ZSCAN5A: variants seen among roughly 807,000 people sequenced by gnomAD.
ZSCAN5A encodes the protein zinc finger and SCAN domain containing 5A.
Under a neutral mutation model 23.7 loss-of-function variants are expected in ZSCAN5A, and 12 were observed. The observed-to-expected ratio is 0.51, with a 90% CI of 0.32 to 0.82. The LOEUF is 0.82. ZSCAN5A is among the 40% of genes least tolerant of loss of function. ZSCAN5A has a pLI of 0.03. For synonymous variants in ZSCAN5A, 257 were observed against 239.9 expected, an observed-to-expected ratio of 1.07 and a Z score of -0.66; for missense variants, 597 against 617.9, an observed-to-expected ratio of 0.97 and a Z score of 0.36.
chr19:56,321,351 C>T, intron 2 of ZSCAN5A: 1 of 643,260 alleles, frequency 1.6e-6, no homozygotes. Context: ...AATAACCAGG[C>T]ATCACAATGT....
At chr19:56,322,137 C>A in intron 2 of ZSCAN5A, 1 of 766,722 alleles carries the variant, frequency 1.3e-6, no homozygotes, top group South Asian at 1.4e-5. Context: ...AGTAGCTGAG[C>A]GTCTCTGGAA....
At chr19:56,322,137 C>T (rs558695233) in intron 2 of ZSCAN5A, 20 of 766,722 alleles carry the variant, frequency 2.6e-5, no homozygotes, top group Non-Finnish European at 3.9e-5. Context: ...AGTAGCTGAG[C>T]GTCTCTGGAA....
chr19:56,318,173 A>G (rs2041337569), upstream of ZSCAN5A, among the ~76,000 whole-genome samples: 1 of 151,982 alleles, frequency 6.6e-6, no homozygotes, highest in Non-Finnish European at 1.5e-5. Context: ...GCGTGCACGC[A>G]AGCATGCGTA....
intron 2 of ZSCAN5A, among the ~76,000 whole-genome samples, chr19:56,288,178 G>C (rs2039265352): frequency 6.6e-6 from 1 of 152,166 alleles, no homozygotes; most frequent in African/African-American, 2.4e-5. Flanking sequence ...ACAGGGGTCT[G>C]CCTCACTGAG....
Position 56,221,652 on chromosome 19 carries a change from T to C in ZSCAN5A, c.1414A>G (p.Lys472Glu). 6.2e-7 allele frequency: 1 copy of C among 1,614,152 alleles called. No individual in the cohort carries two copies. Among genetic ancestry groups the C allele is most frequent in the Non-Finnish European group, 8.5e-7 (1 of 1,180,006 alleles). The stretch of plus-strand genomic sequence containing the variant: ...AGCCGACTGAAGGCTCTTGGACACT[T>C]GGAACATTTGTAGGGTTTCTCTCCG... Reference protein sequence around the residue: ...HSGEKPYKCSKCPRAFSRLKL... With the variant: ...HSGEKPYKCSECPRAFSRLKL... Residue 472 changes from lysine (K) to glutamate (E), a missense_variant, in exon 6 of 6, where the codon AAG becomes GAG. Coordinates refer to ENST00000683990, the MANE Select transcript of ZSCAN5A (RefSeq NM_001322064.3).
intron 1 of ZSCAN5A, among the ~76,000 whole-genome samples, chr19:56,313,846 A>T (rs2147397168): frequency 6.6e-6 from 1 of 152,350 alleles, no homozygotes; most frequent in African/African-American, 2.4e-5. Context: ...TTCATATCAG[A>T]TTTCAATCAT....
intron 2 of ZSCAN5A, chr19:56,246,286 C>A (rs553173002): frequency 3.3e-4 from 108 of 325,452 alleles, no homozygotes; most frequent in Admixed American, 8.2e-4. Flanking sequence ...TTAGACAGGG[C>A]AGTCATTGCT....
intron 2 of ZSCAN5A, among the ~76,000 whole-genome samples, chr19:56,298,749 A>C (rs10402201): frequency 0.013 from 2,023 of 152,328 alleles, 51 homozygotes; most frequent in African/African-American, 0.045. Context: ...TTTCAGGATC[A>C]AGTTAGCTTT....
chr19:56,298,286 T>C (rs1292715234), intron 2 of ZSCAN5A: 1 of 152,090 alleles, frequency 6.6e-6, no homozygotes, highest in Non-Finnish European at 1.5e-5. Context: ...ATTGAAAGTT[T>C]AGATAAAACG....
chr19:56,288,926 G>C (rs2147135194), intron 2 of ZSCAN5A, among the ~76,000 whole-genome samples: 1 of 152,314 alleles, frequency 6.6e-6, no homozygotes, highest in Non-Finnish European at 1.5e-5. Context: ...TCTGAAATTA[G>C]ATTCTCATAA....
chr19:56,319,401 C>G (rs570441685), upstream of ZSCAN5A, among the ~76,000 whole-genome samples: 1 of 139,738 alleles, frequency 7.2e-6, no homozygotes, highest in Non-Finnish European at 1.5e-5. Flanking sequence ...GGGGCTGAAG[C>G]AAAAGAATTG....
intron 2 of ZSCAN5A, among the ~76,000 whole-genome samples, chr19:56,234,689 T>C (rs548413932): frequency 6.7e-5 from 10 of 149,826 alleles, no homozygotes; most frequent in Admixed American, 1.3e-4. Context: ...TCTGTTTCTC[T>C]CTGACCACCG....
At chr19:56,361,059 A>G (rs1005102908) in intron 2 of ZSCAN5A, among the ~76,000 whole-genome samples, 3 of 152,034 alleles carry the variant, frequency 2.0e-5, no homozygotes, top group African/African-American at 7.2e-5. Flanking sequence ...GAAGACATAC[A>G]TGTGGCCAAC....
intron 2 of ZSCAN5A, among the ~76,000 whole-genome samples, chr19:56,242,104 A>G (rs570701791): frequency 6.6e-6 from 1 of 152,132 alleles, no homozygotes; most frequent in East Asian, 1.9e-4. Context: ...CAATTTTCTG[A>G]GGAGCTTCTA....
intron 2 of ZSCAN5A, among the ~76,000 whole-genome samples, chr19:56,229,092 T>C (rs1260049590): frequency 6.6e-6 from 1 of 152,094 alleles, no homozygotes; most frequent in Non-Finnish European, 1.5e-5. Flanking sequence ...GTGTGGATCA[T>C]GGAGTTAATG....
chr19:56,224,571 A>G (rs1215367847), intron 3 of ZSCAN5A, 92 bp downstream of exon 3: 1 of 1,487,156 alleles, frequency 6.7e-7, no homozygotes, highest in Non-Finnish European at 9.0e-7. Context: ...CCTGACCTAG[A>G]GCAGCCCCTC....
chr19:56,238,252 G>A (rs561095873), intron 2 of ZSCAN5A, among the ~76,000 whole-genome samples: 1 of 152,118 alleles, frequency 6.6e-6, no homozygotes, highest in African/African-American at 2.4e-5. Context: ...TGAGGCAGGA[G>A]GATTACTTGA....
At chr19:56,240,529 G>A (rs181361852) in intron 2 of ZSCAN5A, among the ~76,000 whole-genome samples, 42 of 152,252 alleles carry the variant, frequency 2.8e-4, no homozygotes, top group East Asian at 1.9e-3. Flanking sequence ...GGCATAAGGC[G>A]GGAAGGAGGT....
At chr19:56,253,267 CA>C (rs60969244) in intron 2 of ZSCAN5A, among the ~76,000 whole-genome samples, 26,928 of 108,346 alleles carry the variant, frequency 0.25, 2,189 homozygotes, top group East Asian at 0.39. Context: ...GAGGCTGTCT[CA>C]AAAAAAAAAA....
Sources: gnomAD v4.1 joint callset for allele counts (sites outside exome capture counted in the v4.1 genomes callset) on GRCh38, gnomAD v4.1.1 for gene constraint, MANE v1.5 for transcripts, NCBI Gene and HGNC (gene_info 2026-07-23, HGNC 2026-07-21) for gene names.